The following AFAP1L2 variants were observed in gnomAD, a reference collection of about 807,000 sequenced individuals.
AFAP1L2 encodes the protein actin filament associated protein 1 like 2.
In AFAP1L2, 46 loss-of-function variants were observed where a neutral mutation model predicts 99.3. The observed-to-expected ratio is 0.46, with a 90% CI of 0.37 to 0.59. AFAP1L2 has a LOEUF of 0.59. Ranked by LOEUF, AFAP1L2 falls within the 20% of genes least tolerant of loss-of-function variation. The probability of loss-of-function intolerance (pLI) is 0.00; values close to 1 mark genes in which losing one functional copy is unlikely to be tolerated. For synonymous variants in AFAP1L2, 397 were observed against 419.1 expected (o/e 0.95, Z 0.64); for missense variants, 959 against 1,034.9 (o/e 0.93, Z 1.01).
At chr10:114,379,324 A>T (rs1382782792) in intron 1 of AFAP1L2, among the ~76,000 whole-genome samples, 1 of 152,016 alleles carries the variant, frequency 6.6e-6, no homozygotes, top group Non-Finnish European at 1.5e-5. Flanking sequence ...GTTCCAGGCT[A>T]TGCAGCAGAT....
chr10:114,305,528 CAGGAGGGGTT>C (rs2134221524), intron 10 of AFAP1L2, among the ~76,000 whole-genome samples: 2 of 106,546 alleles, frequency 1.9e-5, no homozygotes, highest in African/African-American at 3.7e-5. Context: ...GGTGCAGGTA[CAGGAGGGGTT>C]GGGGCTGCAG....
chr10:114,345,840 C>G (rs970600352), intron 1 of AFAP1L2, among the ~76,000 whole-genome samples: 4 of 152,182 alleles, frequency 2.6e-5, no homozygotes, highest in African/African-American at 9.7e-5. Context: ...GGAGAGCCCA[C>G]AGGACCTGCC....
Position 114,331,864 on chromosome 10 carries a change from TC to T in AFAP1L2, c.253del (p.Glu85SerfsTer21). The T allele has an allele frequency of 7.3e-7, 1 of 1,373,060 alleles. No individual in the cohort carries two copies. The highest frequency in any genetic ancestry group is 9.5e-7 in the Non-Finnish European group (1 of 1,055,158). The allele number at this position is 1,373,060 out of a possible 1,614,324, so 85.1% of individuals were successfully genotyped here. On this transcript the variant is annotated frameshift_variant, in exon 4 of 19. Coordinates refer to ENST00000304129, the MANE Select transcript of AFAP1L2 (RefSeq NM_001001936.3). LOFTEE classifies it high-confidence loss of function. ...AGGGGCCGAGGAGTGCTGGCTGGGCTCCCCATTGGGTAGCAGGCCCTGCTCC... is the reference window on the plus strand; with the variant it reads ...AGGGGCCGAGGAGTGCTGGCTGGGCTCCCATTGGGTAGCAGGCCCTGCTCC... ...PEEQGLLPNG[E>X]PSQHSSAPQK... is the part of the protein sequence containing the mutation.
chr10:114,290,333 G>A (rs761365199), downstream of AFAP1L2: 18 of 1,550,478 alleles, frequency 1.2e-5, no homozygotes, highest in Admixed American at 1.2e-4. Flanking sequence ...TGCAAGTGTC[G>A]GGATGGCTGG....
At chr10:114,299,001 T>G (rs565176434) in intron 16 of AFAP1L2, among the ~76,000 whole-genome samples, 1 of 152,354 alleles carries the variant, frequency 6.6e-6, no homozygotes, top group Admixed American at 6.5e-5. Flanking sequence ...CCTGTAAAAC[T>G]TCCTTTAACT....
the AFAP1L2 span, chr10:114,285,046 C>T: frequency 4.1e-6 from 5 of 1,209,222 alleles, no homozygotes; most frequent in Non-Finnish European, 5.6e-6. Context: ...CATTGCACGC[C>T]CTTCCAGCTG....
rs2040735300 is a variant in AFAP1L2 at position 114,299,246 on chromosome 10, G to C, written c.2113+14C>G. 9 of 1,613,488 alleles carry C rather than the reference G, an allele frequency of 5.6e-6. No homozygotes were observed. The highest frequency in any genetic ancestry group is 7.6e-6 in the Non-Finnish European group (9 of 1,179,752). ...TCTGAGCTGAGGGTCCCTCCCCACT[G>C]GGGGCCCCCTTACCTGTGCATTTCA... is the stretch of plus-strand genomic sequence containing the variant. On this transcript the variant is annotated intron_variant, in intron 16 of 18. Transcript: ENST00000304129.
intron 5 of AFAP1L2, chr10:114,319,459 G>T: frequency 1.1e-6 from 1 of 875,534 alleles, no homozygotes; most frequent in South Asian, 1.5e-5. Flanking sequence ...CATGCACGAG[G>T]ACAGGAAGAA....
At chr10:114,367,351 C>T (rs2136832816) in intron 1 of AFAP1L2, among the ~76,000 whole-genome samples, 1 of 152,290 alleles carries the variant, frequency 6.6e-6, no homozygotes, top group South Asian at 2.1e-4. Flanking sequence ...GAACTTGTTA[C>T]AGAGAGCAAA....
At chr10:114,397,693 G>A (rs1385773143) in intron 1 of AFAP1L2, among the ~76,000 whole-genome samples, 2 of 152,140 alleles carry the variant, frequency 1.3e-5, no homozygotes, top group Non-Finnish European at 2.9e-5. Context: ...TACCTCCAAG[G>A]GTAGGACTGT....
intron 1 of AFAP1L2, among the ~76,000 whole-genome samples, chr10:114,397,431 G>T (rs908857599): frequency 6.6e-6 from 1 of 152,220 alleles, no homozygotes; most frequent in Non-Finnish European, 1.5e-5. Context: ...GTTACGATCT[G>T]CCAGTTTTTA....
Position 114,295,650 on chromosome 10 carries a change from C to T in AFAP1L2, c.*392G>A. The stretch of plus-strand genomic sequence containing the variant: ...CAGGAGTTTAGGTCTTCTCACTCAC[C>T]AAAGACACGTGACCCATAAGACAGG... On this transcript the variant is annotated 3_prime_UTR_variant, in exon 19 of 19. Coordinates refer to ENST00000304129, the MANE Select transcript of AFAP1L2 (RefSeq NM_001001936.3). 9.9e-7 allele frequency: 1 copy of T among 1,008,920 alleles called. No individual in the cohort carries two copies. The highest frequency in any genetic ancestry group is 1.2e-6 in the Non-Finnish European group (1 of 844,912). The allele number at this position is 1,008,920 out of a possible 1,614,324, so 62.5% of individuals were successfully genotyped here. A position where few individuals can be genotyped will look rare whatever the true frequency, so the allele number is the denominator to read the frequency against.
chr10:114,297,445 C>T (rs756577884), intron 16 of AFAP1L2, 32 bp from the exon 17 acceptor site: 25 of 1,600,430 alleles, frequency 1.6e-5, no homozygotes, highest in African/African-American at 2.7e-5. Flanking sequence ...TGTCAGAGAA[C>T]AGCATCTCAG....
At chr10:114,332,969 A>G (rs1194256026) in intron 3 of AFAP1L2, among the ~76,000 whole-genome samples, 1 of 152,242 alleles carries the variant, frequency 6.6e-6, no homozygotes, top group Non-Finnish European at 1.5e-5. Flanking sequence ...TCCTGGGATG[A>G]TGCTGGGAAC....
At chr10:114,399,016 G>T in intron 1 of AFAP1L2, 1 of 895,396 alleles carries the variant, frequency 1.1e-6, no homozygotes, top group Non-Finnish European at 1.6e-6. Context: ...TTCTTTTTGT[G>T]AACCAGGTCT....
intron 1 of AFAP1L2, among the ~76,000 whole-genome samples, chr10:114,402,638 C>T (rs1296623258): frequency 6.6e-6 from 1 of 152,140 alleles, no homozygotes. Context: ...TGATCCTCTT[C>T]GAGGGTGGGA....
chr10:114,303,679 C>T (rs769126889), intron 11 of AFAP1L2, among the ~76,000 whole-genome samples: 3 of 152,200 alleles, frequency 2.0e-5, no homozygotes, highest in Non-Finnish European at 2.9e-5. Context: ...CGTCTCTGCC[C>T]TGGACAGCTG....
At chr10:114,292,347 T>G (rs1004621952), downstream of AFAP1L2, among the ~76,000 whole-genome samples, 1 of 151,988 alleles carries the variant, frequency 6.6e-6, no homozygotes, top group African/African-American at 2.4e-5. Context: ...TTATTCTCCT[T>G]TTAGTGGGGC....
At chr10:114,285,888 G>A in the AFAP1L2 span, 35 of 1,510,024 alleles carry the variant, frequency 2.3e-5, no homozygotes, top group East Asian at 2.3e-4. Context: ...GGGACAGCTC[G>A]CATGCCGCAT....
Sources: gnomAD v4.1 joint callset for allele counts (sites outside exome capture counted in the v4.1 genomes callset) on GRCh38, gnomAD v4.1.1 for gene constraint, MANE v1.5 for transcripts, NCBI Gene and HGNC (gene_info 2026-07-23, HGNC 2026-07-21) for gene names.